Variants in ASTN1 observed in about 807,000 individuals in gnomAD.
The protein encoded by ASTN1 is astrotactin 1, also known as astrotactin-1.
In ASTN1, 41 loss-of-function variants were observed where a neutral mutation model predicts 140.7. The observed-to-expected ratio is 0.29, with a 90% CI of 0.23 to 0.38. ASTN1 has a LOEUF of 0.38. Ranked by LOEUF, ASTN1 falls within the 10% of genes least tolerant of loss-of-function variation. The pLI is 1.00. For synonymous variants in ASTN1, 640 were observed against 652.2 expected (o/e 0.98, Z 0.29); for missense variants, 1,479 against 1,678.8 (o/e 0.88, Z 2.08).
At chr1:177,148,698 G>A (rs10913293) in intron 1 of ASTN1, among the ~76,000 whole-genome samples, 2 of 150,176 alleles carry the variant, frequency 1.3e-5, no homozygotes, top group African/African-American at 4.9e-5. Context: ...ATAAAGAGAT[G>A]GTGCATTACC....
chr1:177,085,922 A>T (rs1479007195), intron 1 of ASTN1, among the ~76,000 whole-genome samples: 1 of 152,176 alleles, frequency 6.6e-6, no homozygotes. Context: ...GAGTTTAGAC[A>T]CATGTCCAAG....
Position 177,041,559 on chromosome 1 carries a change from C to T in ASTN1, c.472-8710G>A, listed in dbSNP as rs185535701. ...AAGCATGAAGCCAATAAATAAATAT[C>T]GCCAGCTGGATAATGCTCAATGTCT... On this transcript the variant is annotated intron_variant, in intron 2 of 22. Transcript: ENST00000361833. Among the ~76,000 whole-genome samples, 211 of 152,304 alleles carry T rather than the reference C, an allele frequency of 1.4e-3. 1 individual carries two copies. The highest frequency in any genetic ancestry group is 2.6e-3 in the Admixed American group (39 of 15,294).
downstream of ASTN1, among the ~76,000 whole-genome samples, chr1:176,859,582 C>T (rs565447939): frequency 1.5e-4 from 23 of 152,206 alleles, no homozygotes; most frequent in African/African-American, 4.1e-4. Context: ...GTCAGGAGTT[C>T]GAGACCAGCC....
At position 176,862,181 on chromosome 1, in the gene ASTN1, G is replaced by A. The variant is rs1667991410; in HGVS notation, c.*2103C>T. On this transcript the variant is annotated 3_prime_UTR_variant, in exon 23 of 23. Transcript: ENST00000361833. ...TGAGGCTCCAGCATTTGCCACAGGT[G>A]GGACAGCCAATTTTTCTGCTGATCT... 1 of 985,440 alleles carries A rather than the reference G, an allele frequency of 1.0e-6. No individual in the cohort carries two copies. The highest frequency in any genetic ancestry group is 1.2e-6 in the Non-Finnish European group (1 of 829,952). 61.0% of individuals were successfully genotyped at this position (985,440 alleles called of 1,614,324 possible).
intron 1 of ASTN1, among the ~76,000 whole-genome samples, chr1:177,074,104 A>G (rs1447014359): frequency 1.3e-5 from 2 of 152,072 alleles, no homozygotes; most frequent in African/African-American, 4.8e-5. Flanking sequence ...AATGAACTCT[A>G]AGTTATTTCC....
intron 8 of ASTN1, among the ~76,000 whole-genome samples, chr1:176,965,602 T>C (rs1443995697): frequency 6.6e-6 from 1 of 152,088 alleles, no homozygotes; most frequent in South Asian, 2.1e-4. Flanking sequence ...GCGTGATTTC[T>C]TGGGAATCAG....
At chr1:177,012,229 G>C (rs970226399) in intron 8 of ASTN1, among the ~76,000 whole-genome samples, 2 of 152,178 alleles carry the variant, frequency 1.3e-5, no homozygotes, top group African/African-American at 4.8e-5. Context: ...GATTAATTTT[G>C]TGAGAATCAT....
chr1:176,903,941 A>T (rs1669874545), intron 16 of ASTN1, among the ~76,000 whole-genome samples: 1 of 152,058 alleles, frequency 6.6e-6, no homozygotes, highest in South Asian at 2.1e-4. Flanking sequence ...GCTGCCTCAC[A>T]CTAATCTTGG....
At chr1:177,151,883 T>G (rs1264236808) in intron 1 of ASTN1, among the ~76,000 whole-genome samples, 3 of 151,934 alleles carry the variant, frequency 2.0e-5, no homozygotes, top group African/African-American at 7.3e-5. Context: ...AAAAAGGAAA[T>G]AGCCACTCCT....
intron 1 of ASTN1, among the ~76,000 whole-genome samples, chr1:177,134,228 A>AT (rs1262149985): frequency 1.3e-5 from 2 of 152,176 alleles, no homozygotes; most frequent in African/African-American, 4.8e-5. Flanking sequence ...AATGAGTTAC[A>AT]TTTTCATTTC....
chr1:176,936,595 C>CTAAGCACTTTG (rs1671458525), intron 14 of ASTN1, among the ~76,000 whole-genome samples: 1 of 152,194 alleles, frequency 6.6e-6, no homozygotes, highest in East Asian at 1.9e-4. Context: ...ATATATTAAG[C>CTAAGCACTTTG]CATTTGATCC....
At chr1:176,934,615 G>GTT (rs1162912260) in intron 15 of ASTN1, among the ~76,000 whole-genome samples, 2 of 142,904 alleles carry the variant, frequency 1.4e-5, no homozygotes, top group Non-Finnish European at 3.1e-5. Flanking sequence ...AAATCAATGT[G>GTT]TTTTTTTTTT....
intron 1 of ASTN1, among the ~76,000 whole-genome samples, chr1:177,083,124 A>G (rs941669722): frequency 6.6e-6 from 1 of 152,140 alleles, no homozygotes; most frequent in African/African-American, 2.4e-5. Context: ...ACTAGATTTT[A>G]TTACATTTGT....
chr1:177,092,421 T>C (rs2102106651), intron 1 of ASTN1, among the ~76,000 whole-genome samples: 1 of 152,334 alleles, frequency 6.6e-6, no homozygotes, highest in South Asian at 2.1e-4. Context: ...AGATACATGA[T>C]TTACAAATAT....
At chr1:177,085,814 G>A (rs1035040687) in intron 1 of ASTN1, among the ~76,000 whole-genome samples, 5 of 152,026 alleles carry the variant, frequency 3.3e-5, no homozygotes, top group South Asian at 2.1e-4. Context: ...CATTGTCTTC[G>A]CCAGGTTCGT....
intron 5 of ASTN1, 35 bp from the exon 6 acceptor site, chr1:177,024,767 A>G: frequency 6.3e-7 from 1 of 1,598,660 alleles, no homozygotes; most frequent in Non-Finnish European, 8.6e-7. Flanking sequence ...ACATGGTGGT[A>G]AAAAGCTTGG....
chr1:176,957,933 A>C, intron 10 of ASTN1, 105 bp from the exon 11 acceptor site: 68 of 1,332,082 alleles, frequency 5.1e-5, no homozygotes, highest in Non-Finnish European at 6.5e-5. Flanking sequence ...ATTGTGTCTC[A>C]CTCTGTCTTA....
intron 17 of ASTN1, among the ~76,000 whole-genome samples, chr1:176,892,621 A>G (rs1669314123): frequency 6.6e-6 from 1 of 152,226 alleles, no homozygotes; most frequent in Non-Finnish European, 1.5e-5. Context: ...TTTCTTTATG[A>G]TATTCACAGA....
chr1:176,889,202 C>A (rs1365159282), intron 17 of ASTN1, among the ~76,000 whole-genome samples: 1 of 152,210 alleles, frequency 6.6e-6, no homozygotes, highest in Non-Finnish European at 1.5e-5. Flanking sequence ...CGACGTGGAT[C>A]CTGATGGAGT....
Sources: gnomAD v4.1 joint callset for allele counts (sites outside exome capture counted in the v4.1 genomes callset) on GRCh38, gnomAD v4.1.1 for gene constraint, MANE v1.5 for transcripts, NCBI Gene and HGNC (gene_info 2026-07-23, HGNC 2026-07-21) for gene names.